TMEM8B: variants seen among roughly 807,000 people sequenced by gnomAD.
The protein encoded by TMEM8B is nasopharyngeal carcinoma expressed 6.
TMEM8B carries 29 observed loss-of-function variants against 49.3 expected under a neutral mutation model. The observed-to-expected ratio is 0.59, with a 90% CI of 0.44 to 0.80. The LOEUF is 0.80. Ranked by LOEUF, TMEM8B falls within the 30% of genes least tolerant of loss-of-function variation. TMEM8B has a pLI of 0.00. For missense variants in TMEM8B, 575 were observed against 658.5 expected (o/e 0.87, Z 1.39); for synonymous variants, 264 against 272.8 (o/e 0.97, Z 0.32).
rs1443887717 is a variant in TMEM8B at position 35,860,092 on chromosome 9, CTG to C, written c.*6253_*6254del. ...AGCTGCAGCAGGTCAGCCTCCCTCT[CTG>C]GAATTTAGTTTCACCATCTGTATAA... On this transcript the variant is annotated 3_prime_UTR_variant, in exon 13 of 13. Coordinates refer to ENST00000643932, the MANE Select transcript of TMEM8B (RefSeq NM_001042590.4). 6.6e-6 allele frequency: 1 copy of C among 152,250 alleles called. No homozygotes were observed. The highest frequency in any genetic ancestry group is 1.5e-5 in the Non-Finnish European group (1 of 68,050). The allele number at this position is 152,250 out of a possible 1,614,324, so 9.4% of individuals were successfully genotyped here.
At chr9:35,845,430 T>C in intron 6 of TMEM8B, 1 of 985,438 alleles carries the variant, frequency 1.0e-6, no homozygotes, top group Non-Finnish European at 1.2e-6. Context: ...ACACCTTACA[T>C]TTACTCTTGC....
chr9:35,840,695 G>C (rs895167913), intron 3 of TMEM8B, among the ~76,000 whole-genome samples: 1 of 152,144 alleles, frequency 6.6e-6, no homozygotes, highest in African/African-American at 2.4e-5. Flanking sequence ...GGCTGGATTG[G>C]AGGCCTTGAA....
At chr9:35,845,545 G>T in intron 6 of TMEM8B, 1 of 985,432 alleles carries the variant, frequency 1.0e-6, no homozygotes. Context: ...GAGTTGGAGT[G>T]AGTGTCTTCA....
rs750845264 is a variant in TMEM8B, at chr9:35,846,974, C to G, written c.2154C>G (p.Thr718=). 19 of 1,614,242 alleles carry G rather than the reference C, an allele frequency of 1.2e-5. No individual in the cohort carries two copies. The highest frequency in any genetic ancestry group is 1.2e-5 in the Non-Finnish European group (14 of 1,180,040). Residue 718 remains threonine, a synonymous_variant, in exon 10 of 13, where the codon ACC becomes ACG. Transcript: ENST00000643932. ...SRYVLEAAVY[T]FTMFFSTFYH... ...ATGTGCTGGAAGCTGCAGTCTACACCTTCACCATGTTCTTCTCCACGGTAT... is the reference window on the plus strand; with the variant it reads ...ATGTGCTGGAAGCTGCAGTCTACACGTTCACCATGTTCTTCTCCACGGTAT...
chr9:35,839,068 C>CAG (rs1312505095), intron 3 of TMEM8B, among the ~76,000 whole-genome samples: 3 of 152,376 alleles, frequency 2.0e-5, no homozygotes, highest in East Asian at 3.9e-4. Flanking sequence ...GGCATGGGCT[C>CAG]AGCTGTGCAC....
intron 3 of TMEM8B, chr9:35,835,491 G>A: frequency 3.0e-6 from 1 of 334,038 alleles, no homozygotes. Flanking sequence ...TCTGGCACAG[G>A]GGAGTAGTGC....
intron 3 of TMEM8B, 145 bp downstream of exon 3, chr9:35,835,363 C>T: frequency 2.5e-6 from 1 of 399,876 alleles, no homozygotes; most frequent in East Asian, 3.6e-5. Flanking sequence ...GGCTAAAGGC[C>T]AGCAGGTCAC....
intron 1 of TMEM8B, 115 bp from the exon 2 acceptor site, chr9:35,834,346 C>CA (rs1830229119): frequency 5.0e-6 from 2 of 399,222 alleles, no homozygotes; most frequent in Non-Finnish European, 8.9e-6. Context: ...GTTCCTGGCT[C>CA]AGAGGAGAGC....
chr9:35,853,511 C>G lies in TMEM8B; in HGVS notation c.2446C>G (p.Arg816Gly). 6.2e-7 allele frequency: 1 copy of G among 1,611,606 alleles called. No individual in the cohort carries two copies. The highest frequency in any genetic ancestry group is 8.5e-7 in the Non-Finnish European group (1 of 1,179,144). ...LGILATAWTV[R>G]SVRRRHCYPP... ...ACTTCTCTGTCTCCCCCAGACAGTA[C>G]GCAGCGTCCGCCGCCGGCACTGCTA... Residue 816 changes from arginine (R) to glycine (G), a missense_variant, in exon 13 of 13, where the codon CGC becomes GGC. Arg to Gly is a moderately radical substitution (Grantham distance 125). Coordinates refer to ENST00000643932, the MANE Select transcript of TMEM8B (RefSeq NM_001042590.4). The surrounding 1 kb of genome is among the most constrained non-coding windows in gnomAD (Gnocchi z 4.2).
intron 3 of TMEM8B, among the ~76,000 whole-genome samples, chr9:35,840,253 A>C (rs1389796418): frequency 3.3e-5 from 5 of 152,188 alleles, no homozygotes; most frequent in Non-Finnish European, 7.4e-5. Flanking sequence ...CTCCTTTAGC[A>C]GCAGAAGAAA....
chr9:35,846,839 C>G lies in TMEM8B; in HGVS notation c.2019C>G (p.Thr673=). ...CAGGGTGGAGAGGCTGGGGCTGCAC[C>G]GACAGTGCAGATGCGCTCACCTATG... ...CKAGWRGWGC[T]DSADALTYGF... The change falls in exon 10 of 13, where the codon ACC becomes ACG. Residue 673 remains threonine (T), a synonymous_variant. Coordinates refer to ENST00000643932, the MANE Select transcript of TMEM8B (RefSeq NM_001042590.4). The G allele has an allele frequency of 6.2e-7, 1 of 1,613,860 alleles. No individual in the cohort carries two copies. The highest frequency in any genetic ancestry group is 1.3e-5 in the African/African-American group (1 of 75,056).
rs1446505959 is a variant in TMEM8B, at chr9:35,858,702, GT to G, written c.*4863del. 6.6e-6 allele frequency: 1 copy of G among 152,270 alleles called. No individual in the cohort carries two copies. The highest frequency in any genetic ancestry group is 1.5e-5 in the Non-Finnish European group (1 of 68,076). 9.4% of individuals were successfully genotyped at this position (152,270 alleles called of 1,614,324 possible). A position where few individuals can be genotyped will look rare whatever the true frequency, so the allele number is the denominator to read the frequency against. On this transcript the variant is annotated 3_prime_UTR_variant, in exon 13 of 13. Transcript: ENST00000643932. ...CTTTTCCCCCTTAACAATAGGTGTG[GT>G]CCTGTGCCTTCCTGTTGCCATTGTG...
chr9:35,829,800 C>T lies in TMEM8B; in HGVS notation c.353C>T (p.Pro118Leu). The T allele has an allele frequency of 4.8e-6, 2 of 416,670 alleles. No homozygotes were observed. Among genetic ancestry groups the T allele is most frequent in the Non-Finnish European group, 8.8e-6 (2 of 227,030 alleles). The allele number at this position is 416,670 out of a possible 1,614,324, so 25.8% of individuals were successfully genotyped here. ...GCCCAGCCCAACCCATTATCTCAGC[C>T]TTTGCCCTCATCTCTGTGTTTACCC... ...CPAQPNPLSQ[P>L]LPSSLCLPKS... Residue 118 changes from proline (P) to leucine (L), a missense_variant, in exon 1 of 13, where the codon CCT becomes CTT. Physicochemically the swap from Pro to Leu is moderately conservative, Grantham distance 98 (BLOSUM62 -3). Transcript: ENST00000643932.
In TMEM8B at chr9:35,853,065, C is replaced by T. The variant is rs530595947; in HGVS notation, c.2323-76C>T. On this transcript the variant is annotated intron_variant, in intron 11 of 12. Coordinates refer to ENST00000643932, the MANE Select transcript of TMEM8B (RefSeq NM_001042590.4). This position sits in a 1 kb window ranked among gnomAD's most constrained non-coding sequence, Gnocchi z 4.2. ...TCCCTGGGGGCATTTCCAAGTGCCT[C>T]TCATGATTCTGACCCAGGCCCTGGA... 7.5e-6 allele frequency: 12 copies of T among 1,608,724 alleles called. No individual in the cohort carries two copies. In the Admixed American group the frequency reaches 1.7e-4, roughly 22 times the overall value.
At chr9:35,851,374 G>C (rs1356808484) in intron 10 of TMEM8B, among the ~76,000 whole-genome samples, 1 of 152,052 alleles carries the variant, frequency 6.6e-6, no homozygotes, top group Non-Finnish European at 1.5e-5. Flanking sequence ...TTAACTCCTG[G>C]GCTCAAGTGA....
Position 35,858,444 on chromosome 9 carries a change from C to T in TMEM8B, c.*4604C>T, listed in dbSNP as rs893220137. 6 of 152,326 alleles carry T rather than the reference C, an allele frequency of 3.9e-5. No individual in the cohort carries two copies. Among genetic ancestry groups the T allele is most frequent in the African/African-American group, 1.2e-4 (5 of 41,450 alleles). The allele number at this position is 152,326 out of a possible 1,614,324, so 9.4% of individuals were successfully genotyped here. ...CTTCTCTGTGGCCAACCCTAACCCACACCCTCTAACCTAGTTTGGTTGACT... is the reference window on the plus strand; with the variant it reads ...CTTCTCTGTGGCCAACCCTAACCCATACCCTCTAACCTAGTTTGGTTGACT... On this transcript the variant is annotated 3_prime_UTR_variant, in exon 13 of 13. Transcript: ENST00000643932.
Position 35,854,775 on chromosome 9 carries a change from A to G in TMEM8B, c.*935A>G, listed in dbSNP as rs892431897. The G allele has an allele frequency of 6.6e-6, 1 of 152,190 alleles. No individual in the cohort carries two copies. Among genetic ancestry groups the G allele is most frequent in the African/African-American group, 2.4e-5 (1 of 41,444 alleles). The allele number at this position is 152,190 out of a possible 1,614,324, so 9.4% of individuals were successfully genotyped here. A position where few individuals can be genotyped will look rare whatever the true frequency, so the allele number is the denominator to read the frequency against. ...CAGAAGGAAGCCGAGGTCCCAGGAA[A>G]TTGGAATAGCAGGTACACGTCTCAG... On this transcript the variant is annotated 3_prime_UTR_variant, in exon 13 of 13. Transcript: ENST00000643932.
In TMEM8B at chr9:35,865,070, C is replaced by G. The variant is rs1365012622; in HGVS notation, c.*11230C>G. The G allele has an allele frequency of 2.0e-5, 3 of 152,254 alleles. No individual in the cohort carries two copies. Among genetic ancestry groups the G allele is most frequent in the Non-Finnish European group, 4.4e-5 (3 of 68,068 alleles). 9.4% of individuals were successfully genotyped at this position (152,254 alleles called of 1,614,324 possible). ...CTGTGGGACCTGGGCTTCAGAGACT[C>G]CAGGTTCCTCGGCCTGCCCCAGGAG... On this transcript the variant is annotated 3_prime_UTR_variant, in exon 13 of 13. Transcript: ENST00000643932.
In TMEM8B at chr9:35,855,399, C is replaced by CT. The variant is rs60229855; in HGVS notation, c.*1570dup. The stretch of plus-strand genomic sequence containing the variant: ...CCTTACTTAATGTTTTCTCCTGAAT[C>CT]TTTTTTTTTTTGAGACGGAGTTTTG... On this transcript the variant is annotated 3_prime_UTR_variant, in exon 13 of 13. Transcript: ENST00000643932. 3.2e-4 allele frequency: 47 copies of CT among 147,436 alleles called. No homozygotes were observed. The highest frequency in any genetic ancestry group is 1.6e-3 in the East Asian group (8 of 5,066). The allele number at this position is 147,436 out of a possible 1,614,324, so 9.1% of individuals were successfully genotyped here. A position where few individuals can be genotyped will look rare whatever the true frequency, so the allele number is the denominator to read the frequency against.
Sources: allele counts gnomAD v4.1 joint callset (sites outside exome capture counted in the v4.1 genomes callset), GRCh38; gene constraint gnomAD v4.1.1; non-coding constraint Gnocchi (gnomAD v3.1); transcripts MANE v1.5; gene names NCBI Gene and HGNC (gene_info 2026-07-23, HGNC 2026-07-21).